Variants in PARP15 observed in about 807,000 individuals in gnomAD.
PARP15 encodes the protein poly(ADP-ribose) polymerase family member 15.
PARP15 carries 50 observed loss-of-function variants against 62.1 expected under a neutral mutation model. The observed-to-expected ratio is 0.81, with a 90% CI of 0.64 to 1.02. The LOEUF (loss-of-function observed/expected upper bound fraction) is 1.02. Ranked by LOEUF, PARP15 falls within the 50% of genes least tolerant of loss-of-function variation. PARP15 has a pLI of 0.00. For missense variants in PARP15, 820 were observed against 826.5 expected (o/e 0.99, Z 0.10); for synonymous variants, 309 against 293.1 (o/e 1.05, Z -0.55).
chr3:122,621,358 G>A (rs917806006), intron 7 of PARP15, 86 bp from the exon 8 acceptor site: 7 of 1,417,804 alleles, frequency 4.9e-6, no homozygotes, highest in African/African-American at 1.4e-5. Flanking sequence ...CTTCACGGAT[G>A]TCAGCTGTTT....
At chr3:122,629,472 T>A (rs146321597) in intron 9 of PARP15, among the ~76,000 whole-genome samples, 2 of 152,272 alleles carry the variant, frequency 1.3e-5, no homozygotes, top group East Asian at 3.9e-4. Context: ...GTGAGGGCAT[T>A]TATCCTGAAC....
rs777366544 is a variant in PARP15 at position 122,632,081 on chromosome 3, T to C, written c.1439-5T>C. 6.8e-6 allele frequency: 11 copies of C among 1,613,966 alleles called. No individual in the cohort carries two copies. The African/African-American group carries it at 1.1e-4, about 16-fold the overall frequency. On this transcript the variant is annotated splice_polypyrimidine_tract_variant and splice_region_variant and intron_variant, in intron 9 of 11. Transcript: ENST00000464300. ...TTGTGTTTTGACCAAATGCTGACTTTCCAGGTAATCTTCCTGAACACTGGA... is the reference window on the plus strand; with the variant it reads ...TTGTGTTTTGACCAAATGCTGACTTCCCAGGTAATCTTCCTGAACACTGGA...
intron 4 of PARP15, among the ~76,000 whole-genome samples, chr3:122,614,233 A>G (rs891435874): frequency 6.6e-6 from 1 of 152,194 alleles, no homozygotes; most frequent in African/African-American, 2.4e-5. Context: ...AGTGTTTTGC[A>G]TGATATCTAG....
chr3:122,616,792 C>G (rs1390209267), intron 5 of PARP15, among the ~76,000 whole-genome samples: 2 of 152,132 alleles, frequency 1.3e-5, no homozygotes, highest in African/African-American at 4.8e-5. Flanking sequence ...TCCTATGTAA[C>G]TCAGAAAATG....
chr3:122,610,838 G>C (rs1429197029), intron 3 of PARP15, 108 bp downstream of exon 3: 3 of 907,170 alleles, frequency 3.3e-6, no homozygotes, highest in Non-Finnish European at 4.8e-6. Context: ...ACAGAGGACA[G>C]TTGGGTTGTT....
At chr3:122,607,265 T>G (rs1420260541) in intron 2 of PARP15, among the ~76,000 whole-genome samples, 1 of 152,128 alleles carries the variant, frequency 6.6e-6, no homozygotes, top group African/African-American at 2.4e-5. Flanking sequence ...AAGAACTGGA[T>G]GATATAAAAG....
rs765682167 is a variant in PARP15, at chr3:122,632,168, T to C, written c.1521T>C (p.Asn507=). The change falls in exon 10 of 12, where the codon AAT becomes AAC. Residue 507 remains asparagine (N), a synonymous_variant. Coordinates refer to ENST00000464300, the MANE Select transcript of PARP15 (RefSeq NM_001113523.3). ...VQLEPGQSEY[N]TIKDKFTRTC... Reference sequence around the variant, plus strand: ...TAGAGCCAGGACAATCAGAATATAATACCATAAAGGACAAGTTCACCCGAA... The same window carrying C: ...TAGAGCCAGGACAATCAGAATATAACACCATAAAGGACAAGTTCACCCGAA... The C allele has an allele frequency of 5.0e-5, 80 of 1,613,756 alleles. No individual in the cohort carries two copies. The highest frequency in any genetic ancestry group is 6.2e-5 in the Non-Finnish European group (73 of 1,179,836).
intron 1 of PARP15, among the ~76,000 whole-genome samples, chr3:122,602,891 C>G (rs906561152): frequency 1.3e-5 from 2 of 152,214 alleles, no homozygotes; most frequent in Admixed American, 6.5e-5. Flanking sequence ...ATGTCACATT[C>G]TTTCACTGAC....
In PARP15 at chr3:122,622,668, T is replaced by C. The variant is rs143792443; in HGVS notation, c.1231+1057T>C. Among the ~76,000 whole-genome samples, 1,219 of 152,348 alleles carry C rather than the reference T, an allele frequency of 8.0e-3. 8 individuals carry two copies. The highest frequency in any genetic ancestry group is 0.012 in the Non-Finnish European group (845 of 68,036). On this transcript the variant is annotated intron_variant, in intron 8 of 11. Coordinates refer to ENST00000464300, the MANE Select transcript of PARP15 (RefSeq NM_001113523.3). ...ATGAGTAAGATGCAGTCACTCCCCA[T>C]GAGCAACAAACTCAGGTTTGTCCTG... is the stretch of plus-strand genomic sequence containing the variant.
intron 1 of PARP15, among the ~76,000 whole-genome samples, chr3:122,583,815 T>C (rs1321248985): frequency 6.6e-6 from 1 of 152,176 alleles, no homozygotes; most frequent in African/African-American, 2.4e-5. Flanking sequence ...CTTTTGTCAT[T>C]TGAGACTCAA....
At chr3:122,596,976 G>A (rs572271081) in intron 1 of PARP15, among the ~76,000 whole-genome samples, 2 of 152,328 alleles carry the variant, frequency 1.3e-5, no homozygotes, top group South Asian at 4.1e-4. Context: ...ACTTTCAATA[G>A]TGGTGTCTTA....
At position 122,635,095 on chromosome 3, in the gene PARP15, C is replaced by T; in HGVS notation, c.1648C>T (p.His550Tyr). 3 of 1,613,966 alleles carry T rather than the reference C, an allele frequency of 1.9e-6. No individual in the cohort carries two copies. Among genetic ancestry groups the T allele is most frequent in the South Asian group, 1.1e-5 (1 of 91,076 alleles). The change falls in exon 11 of 12, where the codon CAT becomes TAT. Residue 550 changes from histidine to tyrosine, a missense_variant. By Grantham distance (83) the His-to-Tyr change is moderately conservative. Around this residue, in one of 3 missense-constraint regions of PARP15, gnomAD observed 731 missense variants for 727.7 expected, o/e 1.00. Transcript: ENST00000464300. ...AAGGCAAATGGATATCAAGAATGAC[C>T]ATAAGAATAATGAGAGACTCCTCTT... is the stretch of plus-strand genomic sequence containing the variant. ...KKRQMDIKND[H>Y]KNNERLLFHG...
rs746901623 is a variant in PARP15 at position 122,577,835 on chromosome 3, C to G, written c.168C>G (p.Arg56=). ...GTGGGGCGCGGAAGGCCTCCCGGCG[C>G]TCTTCCTCCCGGAGTATGGTGAGGA... is the stretch of plus-strand genomic sequence containing the variant. ...GNRGARKASR[R]SSSRSMSRDN... The change falls in exon 1 of 12, where the codon CGC becomes CGG. Residue 56 remains arginine, a synonymous_variant. Coordinates refer to ENST00000464300, the MANE Select transcript of PARP15 (RefSeq NM_001113523.3). 1.3e-6 allele frequency: 2 copies of G among 1,549,708 alleles called. No homozygotes were observed. The highest frequency in any genetic ancestry group is 2.4e-5 in the South Asian group (2 of 83,846).
At chr3:122,596,695 T>C (rs936228883) in intron 1 of PARP15, among the ~76,000 whole-genome samples, 31 of 152,164 alleles carry the variant, frequency 2.0e-4, no homozygotes, top group African/African-American at 7.2e-4. Flanking sequence ...ATGCACAAAA[T>C]AGCTTATACT....
chr3:122,602,299 T>C (rs1447432928), intron 1 of PARP15, among the ~76,000 whole-genome samples: 1 of 152,146 alleles, frequency 6.6e-6, no homozygotes, highest in Non-Finnish European at 1.5e-5. Flanking sequence ...CCTGATCAGA[T>C]GGTACGTAGA....
intron 2 of PARP15, among the ~76,000 whole-genome samples, chr3:122,610,283 A>G (rs549780842): frequency 6.6e-5 from 10 of 152,284 alleles, no homozygotes; most frequent in African/African-American, 9.6e-5. Context: ...AGTGGTTAAT[A>G]TATTTCCTTA....
chr3:122,611,925 G>GC (rs1277358044), intron 3 of PARP15, among the ~76,000 whole-genome samples: 3 of 151,922 alleles, frequency 2.0e-5, no homozygotes, highest in Non-Finnish European at 4.4e-5. Flanking sequence ...TGTTGGTCAG[G>GC]CTGGTCTTGA....
intron 6 of PARP15, among the ~76,000 whole-genome samples, chr3:122,617,837 T>C (rs1309868608): frequency 2.0e-5 from 3 of 152,236 alleles, no homozygotes; most frequent in Admixed American, 2.0e-4. Context: ...CAAGTGATTC[T>C]CATGCCTTAG....
rs1347820826 is a variant in PARP15, at chr3:122,635,875, C to T, written c.1812C>T (p.Tyr604=). 5 of 1,613,996 alleles carry T rather than the reference C, an allele frequency of 3.1e-6. No homozygotes were observed. Among genetic ancestry groups the T allele is most frequent in the Non-Finnish European group, 4.2e-6 (5 of 1,180,012 alleles). The change falls in exon 12 of 12, where the codon TAC becomes TAT. Residue 604 remains tyrosine, a synonymous_variant. Coordinates refer to ENST00000464300, the MANE Select transcript of PARP15 (RefSeq NM_001113523.3). The part of the protein sequence containing the change: ...VDASYSAKDT[Y]SKPDSNGRKH... ...CCAGTTATTCTGCCAAGGACACCTA[C>T]TCCAAGCCAGACAGCAATGGGAGAA...
Sources: gnomAD v4.1 joint callset for allele counts (sites outside exome capture counted in the v4.1 genomes callset) on GRCh38, gnomAD v4.1.1 for gene constraint, gnomAD v4.1.1 regional missense constraint, MANE v1.5 for transcripts, NCBI Gene and HGNC (gene_info 2026-07-23, HGNC 2026-07-21) for gene names.